The following NOTCH2NLR variants were observed in gnomAD, a reference collection of about 807,000 sequenced individuals.
NOTCH2NLR encodes notch 2 N-terminal like R (pseudogene).
A neutral mutation model predicts 35.6 loss-of-function variants in NOTCH2NLR; 33 were observed. That is an observed-to-expected ratio of 0.93 (90% CI 0.70 to 1.24). The LOEUF (loss-of-function observed/expected upper bound fraction) is 1.24, where lower values mean the gene tolerates loss of function less well. NOTCH2NLR is among the 50% of genes most tolerant of loss of function. The pLI is 0.00. For synonymous variants in NOTCH2NLR, 103 were observed against 141.0 expected (o/e 0.73, Z 1.91); for missense variants, 276 against 362.2 (o/e 0.76, Z 1.93).
rs1651322896 is a variant in NOTCH2NLR, at chr1:120,778,379, A to G, written c.156-6595A>G. ...CTGTTCAAAGAATTTTCTGCTGGAA[A>G]CTAGCCCAGAGGGAGTAAAGAGGAG... is the stretch of plus-strand genomic sequence containing the variant. On this transcript the variant is annotated intron_variant, in intron 2 of 4. Transcript: ENST00000624419. Among the ~76,000 whole-genome samples the G allele has an allele frequency of 1.9e-5, 2 of 106,354 alleles. 1 individual carries two copies. The highest frequency in any genetic ancestry group is 3.5e-5 in the Non-Finnish European group (2 of 57,576). 69.8% of individuals were successfully genotyped at this position (106,354 alleles called of 152,430 possible).
intron 1 of NOTCH2NLR, among the ~76,000 whole-genome samples, chr1:120,763,412 G>C (rs1651154245): frequency 9.3e-6 from 1 of 107,644 alleles, no homozygotes; most frequent in African/African-American, 6.0e-5. Context: ...AGAAATAAGA[G>C]CATCATTCAA....
rs1389806403 is a variant in NOTCH2NLR at position 120,737,501 on chromosome 1, C to T, written c.73+13251C>T. 4.9e-4 allele frequency among the ~76,000 whole-genome samples: 18 copies of T among 36,628 alleles called. No individual in the cohort carries two copies. In the East Asian group the frequency reaches 9.9e-3, roughly 20 times the overall value. 24.0% of individuals were successfully genotyped at this position (36,628 alleles called of 152,430 possible). Reference sequence around the variant, plus strand: ...TTAGTCAAGTGATTTTTCCACTATGCTCAGTACTCAAATTATGTATCAATA... The same window carrying T: ...TTAGTCAAGTGATTTTTCCACTATGTTCAGTACTCAAATTATGTATCAATA... On this transcript the variant is annotated intron_variant, in intron 1 of 4. Coordinates refer to ENST00000624419, the Ensembl canonical transcript of NOTCH2NLR.
Position 120,793,260 on chromosome 1 carries a change from C to T in NOTCH2NLR, c.515C>T (p.Thr172Ile). Residue 172 changes from threonine (T) to isoleucine (I), a missense_variant, in exon 4 of 5, where the codon ACA (threonine) becomes ATA (isoleucine). Coordinates refer to ENST00000624419, the Ensembl canonical transcript of NOTCH2NLR. The stretch of plus-strand genomic sequence containing the variant: ...AACCAGTTCTCCTGCAAATGCCTCA[C>T]AGGCTTCACAGGGCAGAAGTGTGAG... The T allele has an allele frequency of 2.1e-6, 3 of 1,396,606 alleles. 1 individual carries two copies. The highest frequency in any genetic ancestry group is 2.9e-6 in the Non-Finnish European group (3 of 1,039,558). The allele number at this position is 1,396,606 out of a possible 1,614,324, so 86.5% of individuals were successfully genotyped here. A position where few individuals can be genotyped will look rare whatever the true frequency, so the allele number is the denominator to read the frequency against.
In NOTCH2NLR at chr1:120,783,700, A is replaced by G. The variant is rs1651391278; in HGVS notation, c.156-1274A>G. Among the ~76,000 whole-genome samples the G allele has an allele frequency of 1.7e-5, 2 of 117,304 alleles. 1 individual carries two copies. Among genetic ancestry groups the G allele is most frequent in the South Asian group, 4.9e-4 (2 of 4,068 alleles). The allele number at this position is 117,304 out of a possible 152,430, so 77.0% of individuals were successfully genotyped here. On this transcript the variant is annotated intron_variant, in intron 2 of 4. Transcript: ENST00000624419. Reference sequence around the variant, plus strand: ...AAAACCAAGTGAACAACAGTAACAAATGCATTTGAGAGAAAGAGCAGTGCA... The same window carrying G: ...AAAACCAAGTGAACAACAGTAACAAGTGCATTTGAGAGAAAGAGCAGTGCA...
chr1:120,755,993 T>A (rs1651076309), intron 1 of NOTCH2NLR, among the ~76,000 whole-genome samples: 1 of 111,458 alleles, frequency 9.0e-6, no homozygotes, highest in Non-Finnish European at 1.7e-5. Flanking sequence ...GGAAGACAGA[T>A]GTTTCTCCAC....
intron 2 of NOTCH2NLR, among the ~76,000 whole-genome samples, chr1:120,779,546 C>T (rs1385318644): frequency 8.3e-6 from 1 of 120,512 alleles, no homozygotes; most frequent in East Asian, 2.0e-4. Flanking sequence ...AAACTCCCTA[C>T]AGGAGGGAAA....
At chr1:120,752,519 AATAT>A (rs1204399606) in intron 1 of NOTCH2NLR, among the ~76,000 whole-genome samples, 7 of 14,662 alleles carry the variant, frequency 4.8e-4, no homozygotes, top group Non-Finnish European at 6.0e-4. Context: ...GAAGTTCAGG[AATAT>A]ATATATATAT....
intron 1 of NOTCH2NLR, among the ~76,000 whole-genome samples, chr1:120,754,234 A>T (rs1224671390): frequency 2.9e-5 from 1 of 34,270 alleles, no homozygotes; most frequent in Non-Finnish European, 5.0e-5. Flanking sequence ...AAGGGAGTTT[A>T]CTAAAAGCAC....
intron 3 of NOTCH2NLR, among the ~76,000 whole-genome samples, chr1:120,789,520 T>C: frequency 9.0e-6 from 1 of 111,448 alleles, no homozygotes; most frequent in Non-Finnish European, 1.7e-5. Flanking sequence ...GAGGAACCCA[T>C]CAGATCTCAT....
At position 120,728,429 on chromosome 1, in the gene NOTCH2NLR, G is replaced by A. The variant is rs1412282399; in HGVS notation, c.73+4179G>A. Among the ~76,000 whole-genome samples the A allele has an allele frequency of 5.4e-5, 6 of 111,290 alleles. 1 individual carries two copies. The highest frequency in any genetic ancestry group is 1.1e-4 in the African/African-American group (2 of 18,048). 73.0% of individuals were successfully genotyped at this position (111,290 alleles called of 152,430 possible). A position where few individuals can be genotyped will look rare whatever the true frequency, so the allele number is the denominator to read the frequency against. ...TTCCCCAGATGTTTCATTTAAACTT[G>A]TAATTTTGAATTTCTTTGTGTGTGG... is the stretch of plus-strand genomic sequence containing the variant. On this transcript the variant is annotated intron_variant, in intron 1 of 4. Transcript: ENST00000624419.
At chr1:120,752,555 T>TATATATATATATATATA (rs1286857308) in intron 1 of NOTCH2NLR, among the ~76,000 whole-genome samples, 1 of 6,628 alleles carries the variant, frequency 1.5e-4, no homozygotes, top group Non-Finnish European at 2.3e-4. Context: ...TATATATATA[T>TATATATATATATATATA]TTTTTTTTTT....
At chr1:120,793,451 T>C (rs1414696068) in exon 4 of NOTCH2NLR, 1 of 1,434,300 alleles carries the variant, frequency 7.0e-7, no homozygotes, top group Non-Finnish European at 9.3e-7. Context: ...TGGAGGCACC[T>C]GTCGGCAGAC....
chr1:120,727,256 C>T, intron 1 of NOTCH2NLR, among the ~76,000 whole-genome samples: 1 of 94,202 alleles, frequency 1.1e-5, no homozygotes, highest in Non-Finnish European at 1.9e-5. Context: ...ACAGGTGATT[C>T]TGACAAGTAA....
In NOTCH2NLR at chr1:120,756,023, A is replaced by G. The variant is rs1310526849; in HGVS notation, c.74-7605A>G. Among the ~76,000 whole-genome samples the G allele has an allele frequency of 1.6e-4, 18 of 110,962 alleles. 1 individual carries two copies. The highest frequency in any genetic ancestry group is 2.7e-4 in the South Asian group (1 of 3,758). 72.8% of individuals were successfully genotyped at this position (110,962 alleles called of 152,430 possible). On this transcript the variant is annotated intron_variant, in intron 1 of 4. Coordinates refer to ENST00000624419, the Ensembl canonical transcript of NOTCH2NLR. ...CTCCACTTCGTTTTTATTTAAATGT[A>G]CCACTTGGGATTTGAAGCTTCCGCA...
At chr1:120,724,611 C>A (rs1475127672) in intron 1 of NOTCH2NLR, among the ~76,000 whole-genome samples, 1 of 119,040 alleles carries the variant, frequency 8.4e-6, no homozygotes, top group Non-Finnish European at 1.7e-5. Context: ...GAGCGAGAGC[C>A]GACGGCGGGC....
At chr1:120,730,678 T>A (rs1650866299) in intron 1 of NOTCH2NLR, among the ~76,000 whole-genome samples, 2 of 101,682 alleles carry the variant, frequency 2.0e-5, no homozygotes, top group South Asian at 2.8e-4. Context: ...GAAAGGGGGA[T>A]GATAAAGCCA....
intron 2 of NOTCH2NLR, among the ~76,000 whole-genome samples, chr1:120,778,384 C>G (rs1651322959): frequency 9.3e-6 from 1 of 106,996 alleles, no homozygotes; most frequent in African/African-American, 6.2e-5. Flanking sequence ...TGGAAACTAG[C>G]CCAGAGGGAG....
intron 2 of NOTCH2NLR, among the ~76,000 whole-genome samples, chr1:120,777,956 A>G (rs1651316870): frequency 2.3e-5 from 2 of 87,282 alleles, no homozygotes; most frequent in Non-Finnish European, 4.0e-5. Flanking sequence ...AGAAGTTTAG[A>G]CTTGATTCTA....
intron 2 of NOTCH2NLR, among the ~76,000 whole-genome samples, chr1:120,775,713 A>T (rs1302636857): frequency 1.5e-5 from 1 of 65,358 alleles, no homozygotes. Flanking sequence ...TTTTTTTTTT[A>T]GTCAGGGCTC....
Sources: allele counts gnomAD v4.1 joint callset (sites outside exome capture counted in the v4.1 genomes callset), GRCh38; gene constraint gnomAD v4.1.1; transcripts MANE v1.5; gene names NCBI Gene and HGNC (gene_info 2026-07-23, HGNC 2026-07-21).